Variants in LRFN2 observed in about 807,000 individuals in gnomAD.
The protein encoded by LRFN2 is leucine rich repeat and fibronectin type III domain containing 2, also known as leucine-rich repeat and fibronectin type-III domain-containing protein 2.
A neutral mutation model predicts 37.3 loss-of-function variants in LRFN2; 18 were observed. The observed-to-expected ratio is 0.48, with a 90% CI of 0.33 to 0.72. LRFN2 has a LOEUF of 0.72. Among genes scored for constraint, LRFN2 ranks in the 30% least tolerant of loss-of-function variants. The pLI is 0.02. For synonymous variants in LRFN2, 556 were observed against 466.6 expected (o/e 1.19, Z -2.47); for missense variants, 1,006 against 1,060.7 (o/e 0.95, Z 0.72).
intron 1 of LRFN2, among the ~76,000 whole-genome samples, chr6:40,551,199 G>A (rs945979644): frequency 1.3e-5 from 2 of 152,156 alleles, no homozygotes; most frequent in African/African-American, 2.4e-5. Flanking sequence ...AAAGCGCTTA[G>A]GGGCAGGGAT....
intron 1 of LRFN2, among the ~76,000 whole-genome samples, chr6:40,568,418 G>T (rs78028784): frequency 1.1e-3 from 167 of 152,320 alleles, no homozygotes; most frequent in Non-Finnish European, 2.0e-3. Flanking sequence ...ACTCTTAGAC[G>T]GTTCTCAGGT....
chr6:40,501,189 T>A (rs1459466925), intron 1 of LRFN2, among the ~76,000 whole-genome samples: 1 of 151,070 alleles, frequency 6.6e-6, no homozygotes, highest in East Asian at 1.9e-4. Context: ...TATTATTTAG[T>A]ATTATATATA....
rs915538271 is a variant in LRFN2, at chr6:40,515,200, G to C, written c.-19+71741C>G. Among the ~76,000 whole-genome samples, 3 of 152,202 alleles carry C rather than the reference G, an allele frequency of 2.0e-5. No individual in the cohort carries two copies. In the East Asian group the frequency reaches 5.8e-4, roughly 29 times the overall value. On this transcript the variant is annotated intron_variant, in intron 1 of 2. Transcript: ENST00000338305. ...TTTCTGAACACACTCTGAGTAAAGG[G>C]GGGAAGGGGATCCAGAGGGATGCTG...
intron 2 of LRFN2, chr6:40,407,710 G>A (rs939784309): frequency 3.3e-5 from 5 of 152,270 alleles, no homozygotes; most frequent in Admixed American, 6.5e-5. Context: ...CCCAAGTCAC[G>A]CTAGAACAGC....
intron 1 of LRFN2, among the ~76,000 whole-genome samples, chr6:40,435,197 G>T (rs1045269778): frequency 1.8e-4 from 27 of 147,092 alleles, no homozygotes; most frequent in Non-Finnish European, 3.6e-4. Flanking sequence ...TTCTTGCTCT[G>T]TCACCCAGGC....
chr6:40,497,463 G>T (rs1450126593), intron 1 of LRFN2, among the ~76,000 whole-genome samples: 4 of 152,158 alleles, frequency 2.6e-5, no homozygotes, highest in African/African-American at 9.7e-5. Context: ...CTCCAAAGCT[G>T]TCTTGTGGCT....
intron 1 of LRFN2, among the ~76,000 whole-genome samples, chr6:40,541,769 T>C (rs1389375137): frequency 1.3e-5 from 2 of 152,214 alleles, no homozygotes; most frequent in Non-Finnish European, 2.9e-5. Context: ...CAGGGATACA[T>C]GACTCTCCTG....
At chr6:40,556,879 C>G (rs1031885956) in intron 1 of LRFN2, among the ~76,000 whole-genome samples, 8 of 152,260 alleles carry the variant, frequency 5.3e-5, no homozygotes, top group African/African-American at 1.9e-4. Context: ...GCCACCAATG[C>G]TTTCATCTAC....
intron 1 of LRFN2, among the ~76,000 whole-genome samples, chr6:40,461,415 AT>A (rs764913420): frequency 2.7e-4 from 41 of 152,200 alleles, no homozygotes; most frequent in Non-Finnish European, 4.9e-4. Flanking sequence ...CTCTAAAAAA[AT>A]AAAATAAAAA....
chr6:40,412,853 A>G (rs1372821227), intron 2 of LRFN2, among the ~76,000 whole-genome samples: 1 of 152,220 alleles, frequency 6.6e-6, no homozygotes, highest in Non-Finnish European at 1.5e-5. Flanking sequence ...TGCTAAGGAA[A>G]AAAGAACAAG....
rs1763942252 is a variant in LRFN2 at position 40,445,209 on chromosome 6, TG to T, written c.-18-12079del. On this transcript the variant is annotated intron_variant, in intron 1 of 2. Transcript: ENST00000338305. Reference sequence around the variant, plus strand: ...AGGGAAGAGGGAAGTATCTACAGGGTGTCTGGTGTTTTACACGTTATTTCAT... The same window carrying T: ...AGGGAAGAGGGAAGTATCTACAGGGTTCTGGTGTTTTACACGTTATTTCAT... 5.3e-5 allele frequency among the ~76,000 whole-genome samples: 8 copies of T among 152,284 alleles called. No individual in the cohort carries two copies. In the South Asian group the frequency reaches 1.7e-3, roughly 32 times the overall value.
intron 1 of LRFN2, among the ~76,000 whole-genome samples, chr6:40,452,656 T>A: frequency 6.6e-6 from 1 of 152,258 alleles, no homozygotes; most frequent in Admixed American, 6.5e-5. Flanking sequence ...GGGTGACAGG[T>A]CTCTGAAAAG....
intron 1 of LRFN2, among the ~76,000 whole-genome samples, chr6:40,565,274 A>G (rs1487525896): frequency 6.6e-6 from 1 of 152,230 alleles, no homozygotes; most frequent in Non-Finnish European, 1.5e-5. Flanking sequence ...GCTCATGGGT[A>G]GGAAGAATCA....
intron 1 of LRFN2, among the ~76,000 whole-genome samples, chr6:40,552,598 A>G (rs1299256217): frequency 6.6e-6 from 1 of 152,244 alleles, no homozygotes; most frequent in African/African-American, 2.4e-5. Flanking sequence ...ACCAAATCAT[A>G]TCTACAGCTA....
At chr6:40,478,333 T>A (rs138220282) in intron 1 of LRFN2, among the ~76,000 whole-genome samples, 7 of 152,230 alleles carry the variant, frequency 4.6e-5, no homozygotes, top group Non-Finnish European at 8.8e-5. Flanking sequence ...CTAATAATAT[T>A]AATTGCCACC....
At chr6:40,529,205 C>T (rs139456480) in intron 1 of LRFN2, among the ~76,000 whole-genome samples, 1,656 of 152,172 alleles carry the variant, frequency 0.011, 11 homozygotes, top group Non-Finnish European at 0.017. Flanking sequence ...GAAGTCACTG[C>T]GAGGCTGTGA....
Position 40,392,252 on chromosome 6 carries a change from C to A in LRFN2, c.2061G>T (p.Ser687=), listed in dbSNP as rs3734558. ...CTCGGTCCGAGTGGTGGCCCCGGGC[C>A]GACGTCCCAGCCCCTCTCCCGGCTG... ...RTPAGRGAGT[S]ARGHHSDREP... is the part of the protein sequence containing the mutation. Residue 687 remains serine, a synonymous_variant, in exon 3 of 3, where the codon TCG becomes TCT. Transcript: ENST00000338305. This position sits in a 1 kb window ranked among gnomAD's most constrained non-coding sequence, Gnocchi z 4.7. 7.0e-6 allele frequency: 11 copies of A among 1,581,350 alleles called. No individual in the cohort carries two copies. In the Admixed American group the frequency reaches 1.4e-4, roughly 21 times the overall value.
chr6:40,412,265 G>A (rs1762987819), intron 2 of LRFN2, among the ~76,000 whole-genome samples: 1 of 152,118 alleles, frequency 6.6e-6, no homozygotes, highest in African/African-American at 2.4e-5. Context: ...AAATTCTCAG[G>A]AAGAAAAATT....
intron 1 of LRFN2, among the ~76,000 whole-genome samples, chr6:40,452,665 A>G (rs945274385): frequency 1.3e-5 from 2 of 152,192 alleles, no homozygotes; most frequent in East Asian, 3.9e-4. Context: ...GTCTCTGAAA[A>G]GAGCCACGCA....
Sources: allele counts gnomAD v4.1 joint callset (sites outside exome capture counted in the v4.1 genomes callset), GRCh38; gene constraint gnomAD v4.1.1; non-coding constraint Gnocchi (gnomAD v3.1); transcripts MANE v1.5; gene names NCBI Gene and HGNC (gene_info 2026-07-23, HGNC 2026-07-21).